The following C4orf51 variants were observed in gnomAD, a reference collection of about 807,000 sequenced individuals.
C4orf51 encodes the protein chromosome 4 open reading frame 51.
C4orf51 carries 25 observed loss-of-function variants against 25.2 expected under a neutral mutation model. The ratio of observed to expected loss-of-function variants is 0.99; its 90% CI spans 0.72 to 1.39. The LOEUF is 1.39. C4orf51 is among the 40% of genes most tolerant of loss of function. The pLI, the probability that C4orf51 is intolerant of heterozygous loss-of-function variation, is 0.00. For missense variants in C4orf51, 252 were observed against 239.6 expected, an observed-to-expected ratio of 1.05 and a Z score of -0.34; for synonymous variants, 100 against 84.5, an observed-to-expected ratio of 1.18 and a Z score of -1.01.
Position 145,680,172 on chromosome 4 carries a change from C to A in C4orf51, c.-32C>A. On this transcript the variant is annotated 5_prime_UTR_variant, in exon 1 of 6. Coordinates refer to ENST00000438731, the MANE Select transcript of C4orf51 (RefSeq NM_001080531.3). ...ATTCTTCATTATGCAGAGGACTTGA[C>A]AAGTTGTTTTCCAGAGAGGCCGTTC... 1 of 1,484,914 alleles carries A rather than the reference C, an allele frequency of 6.7e-7. No individual in the cohort carries two copies. Among genetic ancestry groups the A allele is most frequent in the Non-Finnish European group, 9.4e-7 (1 of 1,062,690 alleles). The allele number at this position is 1,484,914 out of a possible 1,614,324, so 92.0% of individuals were successfully genotyped here. A position where few individuals can be genotyped will look rare whatever the true frequency, so the allele number is the denominator to read the frequency against.
intron 1 of C4orf51, among the ~76,000 whole-genome samples, chr4:145,746,552 A>G (rs917353163): frequency 1.3e-5 from 2 of 151,840 alleles, no homozygotes; most frequent in East Asian, 1.9e-4. Context: ...CTGGTTCTCT[A>G]TTTTGTTCCA....
chr4:145,717,758 G>A (rs1478053166), intron 2 of C4orf51, among the ~76,000 whole-genome samples: 2 of 152,176 alleles, frequency 1.3e-5, no homozygotes, highest in African/African-American at 4.8e-5. Flanking sequence ...CTACATTAAA[G>A]TGCTTTTCCT....
At chr4:145,733,540 T>C (rs1307875252), downstream of C4orf51, among the ~76,000 whole-genome samples, 1 of 150,400 alleles carries the variant, frequency 6.6e-6, no homozygotes, top group Non-Finnish European at 1.5e-5. Context: ...CCAGCCCCGC[T>C]CTCTGCTCCC....
At chr4:145,697,213 C>T (rs1381357098) in intron 2 of C4orf51, among the ~76,000 whole-genome samples, 1 of 151,168 alleles carries the variant, frequency 6.6e-6, no homozygotes, top group Non-Finnish European at 1.5e-5. Context: ...GATTTTCATG[C>T]CTCAGCCTCC....
chr4:145,785,268 C>T, the C4orf51 span, among the ~76,000 whole-genome samples: 1 of 152,118 alleles, frequency 6.6e-6, no homozygotes, highest in Non-Finnish European at 1.5e-5. Context: ...TACAATAGAG[C>T]AAACTATGCT....
At chr4:145,753,886 C>T (rs1271556884) in intron 1 of C4orf51, among the ~76,000 whole-genome samples, 2 of 152,206 alleles carry the variant, frequency 1.3e-5, no homozygotes, top group Non-Finnish European at 1.5e-5. Flanking sequence ...ATAACACACC[C>T]CCAATATGGG....
chr4:145,715,011 G>T (rs1289174235), intron 2 of C4orf51, among the ~76,000 whole-genome samples: 3 of 152,184 alleles, frequency 2.0e-5, no homozygotes, highest in Non-Finnish European at 4.4e-5. Flanking sequence ...TCACATTTGT[G>T]TGCTGTCTCC....
intron 1 of C4orf51, among the ~76,000 whole-genome samples, chr4:145,682,427 T>C (rs934804061): frequency 4.6e-5 from 7 of 152,216 alleles, no homozygotes; most frequent in African/African-American, 1.7e-4. Flanking sequence ...AGCTATTTGA[T>C]TAAAATTCCA....
chr4:145,739,817 G>T (rs925770197), intron 1 of C4orf51, among the ~76,000 whole-genome samples: 1 of 152,100 alleles, frequency 6.6e-6, no homozygotes, highest in Non-Finnish European at 1.5e-5. Context: ...AGATAGAGTC[G>T]CTGAGGCCCA....
intron 2 of C4orf51, among the ~76,000 whole-genome samples, chr4:145,698,346 G>C (rs575657469): frequency 5.3e-5 from 8 of 152,174 alleles, no homozygotes; most frequent in Non-Finnish European, 1.2e-4. Flanking sequence ...ATGTTAGGGA[G>C]ACATGAGACA....
At chr4:145,745,177 G>A (rs1733303124) in intron 1 of C4orf51, among the ~76,000 whole-genome samples, 1 of 152,134 alleles carries the variant, frequency 6.6e-6, no homozygotes, top group Non-Finnish European at 1.5e-5. Context: ...CAGGGTAAAT[G>A]GGGTATCCAT....
At chr4:145,691,158 A>G (rs1340419570) in intron 1 of C4orf51, among the ~76,000 whole-genome samples, 2 of 152,188 alleles carry the variant, frequency 1.3e-5, no homozygotes, top group African/African-American at 4.8e-5. Flanking sequence ...TTCTCAAGAG[A>G]AAACACAACA....
chr4:145,773,398 A>G (rs768807265), downstream of C4orf51, among the ~76,000 whole-genome samples: 1 of 152,196 alleles, frequency 6.6e-6, no homozygotes, highest in Non-Finnish European at 1.5e-5. Flanking sequence ...GGCCAGAGAA[A>G]CACAGAGAGA....
chr4:145,705,260 C>G (rs1245394400), intron 2 of C4orf51, among the ~76,000 whole-genome samples: 1 of 152,206 alleles, frequency 6.6e-6, no homozygotes, highest in Non-Finnish European at 1.5e-5. Flanking sequence ...CGCTGCTGAT[C>G]ACCAGTTTCA....
At chr4:145,740,062 G>A (rs1176789446) in intron 1 of C4orf51, among the ~76,000 whole-genome samples, 3 of 152,202 alleles carry the variant, frequency 2.0e-5, no homozygotes, top group Admixed American at 6.5e-5. Flanking sequence ...TTGGAAGCAA[G>A]CCAGGTGAAA....
chr4:145,684,087 C>T (rs942698805), intron 1 of C4orf51, among the ~76,000 whole-genome samples: 7 of 150,410 alleles, frequency 4.7e-5, no homozygotes, highest in African/African-American at 1.7e-4. Flanking sequence ...ATACAAAGAA[C>T]TCTTAAAATT....
chr4:145,725,526 AC>A (rs1420752578), intron 2 of C4orf51, among the ~76,000 whole-genome samples: 1 of 152,174 alleles, frequency 6.6e-6, no homozygotes, highest in Non-Finnish European at 1.5e-5. Context: ...AAAATTGGAA[AC>A]CCTAATGTCT....
chr4:145,721,847 C>A (rs371584061), intron 2 of C4orf51, among the ~76,000 whole-genome samples: 15 of 152,286 alleles, frequency 9.8e-5, no homozygotes, highest in South Asian at 4.1e-4. Flanking sequence ...TATGAACAAA[C>A]CATGTGTCTG....
downstream of C4orf51, among the ~76,000 whole-genome samples, chr4:145,757,404 T>C (rs1734030571): frequency 1.3e-5 from 2 of 152,350 alleles, no homozygotes; most frequent in South Asian, 4.1e-4. Flanking sequence ...ATGATGGATA[T>C]GCTCTCAACC....
Sources: allele counts gnomAD v4.1 joint callset (sites outside exome capture counted in the v4.1 genomes callset), GRCh38; gene constraint gnomAD v4.1.1; transcripts MANE v1.5; gene names NCBI Gene and HGNC (gene_info 2026-07-23, HGNC 2026-07-21).